The following CFAP95 variants were observed in gnomAD, a reference collection of about 807,000 sequenced individuals.
The protein encoded by CFAP95 is cilia and flagella associated protein 95, also known as cilia- and flagella-associated protein 95.
chr9:69,888,487 A>G, the CFAP95 span, among the ~76,000 whole-genome samples: 162 of 152,334 alleles, frequency 1.1e-3, no homozygotes, highest in African/African-American at 3.6e-3. Context: ...TAACTAGTAA[A>G]TATAGGGAAC....
the CFAP95 span, among the ~76,000 whole-genome samples, chr9:69,859,800 T>C: frequency 1.3e-5 from 2 of 152,216 alleles, no homozygotes; most frequent in Non-Finnish European, 1.5e-5. Flanking sequence ...TGAGGCTAGA[T>C]GGTAAAATCC....
At chr9:69,901,957 T>C in the CFAP95 span, among the ~76,000 whole-genome samples, 2 of 152,344 alleles carry the variant, frequency 1.3e-5, no homozygotes, top group East Asian at 3.9e-4. Context: ...GAGCATTTTT[T>C]CATGTGTTTT....
chr9:69,856,920 GTTTTT>G, the CFAP95 span, among the ~76,000 whole-genome samples: 285 of 125,924 alleles, frequency 2.3e-3, 1 homozygote, highest in African/African-American at 7.8e-3. Context: ...CTTTATATGT[GTTTTT>G]TTTTTTTTTT....
chr9:69,856,173 T>C, the CFAP95 span, among the ~76,000 whole-genome samples: 6 of 152,308 alleles, frequency 3.9e-5, no homozygotes, highest in South Asian at 8.3e-4. Context: ...ATAATGATGA[T>C]GATGATGATA....
the CFAP95 span, among the ~76,000 whole-genome samples, chr9:69,901,943 T>C: frequency 0.086 from 13,060 of 152,292 alleles, 749 homozygotes; most frequent in South Asian, 0.17. Flanking sequence ...TGGCCAATGA[T>C]GACGAGCATT....
At chr9:69,901,522 A>G in the CFAP95 span, among the ~76,000 whole-genome samples, 23 of 147,552 alleles carry the variant, frequency 1.6e-4, 1 homozygote, top group Middle Eastern at 3.4e-3. Context: ...ACATGAACTC[A>G]TCCTTTTTAT....
At chr9:69,853,002 C>T in the CFAP95 span, among the ~76,000 whole-genome samples, 1 of 152,182 alleles carries the variant, frequency 6.6e-6, no homozygotes, top group African/African-American at 2.4e-5. Flanking sequence ...CCTCTTTCTT[C>T]TGTAAATTAC....
At chr9:69,843,028 AG>A in the CFAP95 span, among the ~76,000 whole-genome samples, 2 of 152,142 alleles carry the variant, frequency 1.3e-5, no homozygotes, top group African/African-American at 4.8e-5. Flanking sequence ...TGCCCAACCT[AG>A]GTTAAGGGAA....
chr9:69,848,229 C>G, the CFAP95 span, among the ~76,000 whole-genome samples: 1 of 152,148 alleles, frequency 6.6e-6, no homozygotes, highest in African/African-American at 2.4e-5. Context: ...TCCTCGGTCC[C>G]AGATGTGCCT....
the CFAP95 span, among the ~76,000 whole-genome samples, chr9:69,846,987 C>A: frequency 6.6e-6 from 1 of 152,082 alleles, no homozygotes; most frequent in Non-Finnish European, 1.5e-5. Context: ...TTCAAGGGAA[C>A]CACTCAGAGA....
the CFAP95 span, among the ~76,000 whole-genome samples, chr9:69,856,922 T>G: frequency 7.6e-6 from 1 of 131,718 alleles, no homozygotes; most frequent in Admixed American, 7.0e-5. Flanking sequence ...TTATATGTGT[T>G]TTTTTTTTTT....
At chr9:69,845,710 G>T in the CFAP95 span, among the ~76,000 whole-genome samples, 1 of 144,764 alleles carries the variant, frequency 6.9e-6, no homozygotes, top group Non-Finnish European at 1.6e-5. Context: ...CAAACTTGCA[G>T]GAACTAACAC....
chr9:69,824,321 C>T, the CFAP95 span, among the ~76,000 whole-genome samples: 73 of 152,186 alleles, frequency 4.8e-4, no homozygotes, highest in African/African-American at 1.6e-3. Context: ...TTATTATTTC[C>T]GGATTCTGTG....
At chr9:69,845,182 A>T in the CFAP95 span, among the ~76,000 whole-genome samples, 1 of 152,204 alleles carries the variant, frequency 6.6e-6, no homozygotes, top group African/African-American at 2.4e-5. Flanking sequence ...ATCCAGTTAC[A>T]AGAAAAATAT....
chr9:69,824,090 A>G, the CFAP95 span, among the ~76,000 whole-genome samples: 1 of 152,218 alleles, frequency 6.6e-6, no homozygotes, highest in African/African-American at 2.4e-5. Context: ...ATAGGGCAGA[A>G]AAGGAGAATA....
At chr9:69,851,319 T>C in the CFAP95 span, among the ~76,000 whole-genome samples, 1 of 152,184 alleles carries the variant, frequency 6.6e-6, no homozygotes, top group Admixed American at 6.5e-5. Flanking sequence ...TTGGACAAAA[T>C]GCTGTGCAGC....
the CFAP95 span, among the ~76,000 whole-genome samples, chr9:69,856,152 G>A: frequency 2.6e-5 from 4 of 152,110 alleles, no homozygotes; most frequent in African/African-American, 9.7e-5. Flanking sequence ...CTGTATGACC[G>A]AGAGTGAATA....
chr9:69,847,085 G>C, the CFAP95 span, among the ~76,000 whole-genome samples: 1 of 152,182 alleles, frequency 6.6e-6, no homozygotes, highest in Non-Finnish European at 1.5e-5. Context: ...GCCTGATATG[G>C]CACAGCAGAA....
the CFAP95 span, among the ~76,000 whole-genome samples, chr9:69,883,926 G>T: frequency 6.6e-6 from 1 of 150,922 alleles, no homozygotes; most frequent in Non-Finnish European, 1.5e-5. Flanking sequence ...TACTAATTTT[G>T]GATTCAGTTT....
Sources: allele counts gnomAD v4.1 joint callset (sites outside exome capture counted in the v4.1 genomes callset), GRCh38; gene constraint gnomAD v4.1.1; transcripts MANE v1.5; gene names NCBI Gene and HGNC (gene_info 2026-07-23, HGNC 2026-07-21).